Variants in PDZRN3 observed in about 807,000 individuals in gnomAD.
PDZRN3 encodes E3 ubiquitin-protein ligase PDZRN3.
PDZRN3 carries 38 observed loss-of-function variants against 85.7 expected under a neutral mutation model. The observed-to-expected ratio is 0.44, with a 90% CI of 0.34 to 0.58. The LOEUF is 0.58. Among genes scored for constraint, PDZRN3 ranks in the 20% least tolerant of loss-of-function variants. The probability of loss-of-function intolerance (pLI) is 0.01; values close to 1 mark genes in which losing one functional copy is unlikely to be tolerated. For missense variants in PDZRN3, 1,629 were observed against 1,506.4 expected (o/e 1.08, Z -1.35); for synonymous variants, 759 against 638.0 (o/e 1.19, Z -2.86).
chr3:73,428,690 G>A (rs1702368354), intron 3 of PDZRN3, among the ~76,000 whole-genome samples: 1 of 152,210 alleles, frequency 6.6e-6, no homozygotes, highest in Non-Finnish European at 1.5e-5. Context: ...ACTGAAAGAA[G>A]AGAGGTAATC....
intron 3 of PDZRN3, among the ~76,000 whole-genome samples, chr3:73,521,752 A>G (rs1704372525): frequency 1.3e-5 from 2 of 152,322 alleles, no homozygotes; most frequent in South Asian, 2.1e-4. Flanking sequence ...AAACCTCCAG[A>G]AAAACATTTG....
intron 3 of PDZRN3, among the ~76,000 whole-genome samples, chr3:73,461,738 A>C (rs1228063843): frequency 1.3e-5 from 2 of 152,218 alleles, no homozygotes; most frequent in Non-Finnish European, 1.5e-5. Flanking sequence ...TCATGTGTAC[A>C]TAAAAAAAGT....
intron 3 of PDZRN3, among the ~76,000 whole-genome samples, chr3:73,467,102 G>A (rs1292320256): frequency 6.6e-6 from 1 of 152,190 alleles, no homozygotes; most frequent in East Asian, 1.9e-4. Context: ...CCCAGCTGCA[G>A]AGATGGTGCA....
At chr3:73,507,835 T>C (rs1379618829) in intron 3 of PDZRN3, among the ~76,000 whole-genome samples, 1 of 152,156 alleles carries the variant, frequency 6.6e-6, no homozygotes, top group Non-Finnish European at 1.5e-5. Flanking sequence ...GGCTCACGCC[T>C]GTAATCCCAG....
intron 7 of PDZRN3, among the ~76,000 whole-genome samples, chr3:73,388,669 G>A (rs191346483): frequency 2.3e-4 from 35 of 152,080 alleles, no homozygotes; most frequent in African/African-American, 7.7e-4. Flanking sequence ...CTGGTGGAAC[G>A]CCGCCTCCAG....
rs182771631 is a variant in PDZRN3, at chr3:73,588,021, T to C, written c.918+14333A>G. ...TGTGCAGAACATGCAGGTTGTTTAA[T>C]AGGTATATGTGTGCCATGGTGGTTT... On this transcript the variant is annotated intron_variant, in intron 3 of 9. Transcript: ENST00000263666. Among the ~76,000 whole-genome samples, 892 of 152,336 alleles carry C rather than the reference T, an allele frequency of 5.9e-3. 2 individuals are homozygous for C. Among genetic ancestry groups the C allele is most frequent in the Middle Eastern group, 0.017 (5 of 294 alleles).
chr3:73,472,708 T>C (rs1389607072), intron 3 of PDZRN3, among the ~76,000 whole-genome samples: 1 of 152,230 alleles, frequency 6.6e-6, no homozygotes, highest in Non-Finnish European at 1.5e-5. Flanking sequence ...ACACTTTCCA[T>C]TATTAAACCT....
At chr3:73,474,474 T>C (rs1375621196) in intron 3 of PDZRN3, 19 of 1,284,762 alleles carry the variant, frequency 1.5e-5, no homozygotes, top group Admixed American at 2.3e-5. Flanking sequence ...TCTTCCACCA[T>C]GGGGTTTATG....
At chr3:73,564,054 G>C (rs934881128) in intron 3 of PDZRN3, among the ~76,000 whole-genome samples, 3 of 152,172 alleles carry the variant, frequency 2.0e-5, no homozygotes, top group Admixed American at 2.0e-4. Context: ...TAGAGGCTGT[G>C]CCTATTCTGC....
chr3:73,516,110 G>A (rs150366261), intron 3 of PDZRN3, among the ~76,000 whole-genome samples: 2,472 of 152,236 alleles, frequency 0.016, 33 homozygotes, highest in Non-Finnish European at 0.025. Context: ...CATTTATCTT[G>A]TTTCTAATTT....
chr3:73,408,301 A>C lies in PDZRN3; in HGVS notation c.919-3906T>G, dbSNP rs113211545. 929 of 687,746 alleles carry C rather than the reference A, an allele frequency of 1.4e-3. 8 individuals carry two copies. The African/African-American group carries it at 0.014, about 11-fold the overall frequency. 42.6% of individuals were successfully genotyped at this position (687,746 alleles called of 1,614,324 possible). A position where few individuals can be genotyped will look rare whatever the true frequency, so the allele number is the denominator to read the frequency against. Reference sequence around the variant, plus strand: ...AGCATCATGCTTTTTAGGGTAATATAAAGTTTAGATGAGATAACTTACTGG... The same window carrying C: ...AGCATCATGCTTTTTAGGGTAATATCAAGTTTAGATGAGATAACTTACTGG... On this transcript the variant is annotated intron_variant, in intron 3 of 9. Coordinates refer to ENST00000263666, the MANE Select transcript of PDZRN3 (RefSeq NM_015009.3).
chr3:73,592,642 C>A (rs867807063), intron 3 of PDZRN3, among the ~76,000 whole-genome samples: 2 of 152,202 alleles, frequency 1.3e-5, no homozygotes, highest in Admixed American at 6.5e-5. Flanking sequence ...CACTGTGGCA[C>A]TTGGCATGGC....
chr3:73,532,194 A>C (rs748767073), intron 3 of PDZRN3, among the ~76,000 whole-genome samples: 1 of 151,110 alleles, frequency 6.6e-6, no homozygotes, highest in Non-Finnish European at 1.5e-5. Context: ...TTTAGTAGAG[A>C]CGGGGTTTCA....
At position 73,404,206 on chromosome 3, in the gene PDZRN3, G is replaced by A; in HGVS notation, c.1108C>T (p.Leu370Phe). 6.2e-7 allele frequency: 1 copy of A among 1,614,032 alleles called. No homozygotes were observed. The highest frequency in any genetic ancestry group is 1.6e-4 in the Middle Eastern group (1 of 6,062). Residue 370 changes from leucine to phenylalanine, a missense_variant, in exon 4 of 10, where the codon CTC becomes TTC. Physicochemically the swap from Leu to Phe is conservative, Grantham distance 22. Transcript: ENST00000263666. The part of the protein sequence containing the change: ...TDITFEHIMA[L>F]TKMSSPSPPV... ...GGGCTGGGAGAGGACATCTTAGTGA[G>A]GGCCATGATATGTTCAAAGGTGATG...
intron 3 of PDZRN3, among the ~76,000 whole-genome samples, chr3:73,411,994 C>G (rs1001243850): frequency 1.3e-5 from 2 of 152,194 alleles, no homozygotes; most frequent in African/African-American, 4.8e-5. Context: ...ACGAGAGACA[C>G]AGAGGGCATC....
At chr3:73,472,929 T>C (rs1170489693) in intron 3 of PDZRN3, among the ~76,000 whole-genome samples, 1 of 152,224 alleles carries the variant, frequency 6.6e-6, no homozygotes, top group Non-Finnish European at 1.5e-5. Context: ...ATTCAAGATA[T>C]ACCATGTTGG....
chr3:73,449,751 C>T (rs972189760), intron 3 of PDZRN3, among the ~76,000 whole-genome samples: 1 of 152,278 alleles, frequency 6.6e-6, no homozygotes, highest in East Asian at 1.9e-4. Flanking sequence ...TAAGTGGCAG[C>T]CTGGACTTTT....
At position 73,608,590 on chromosome 3, in the gene PDZRN3, T is replaced by C; in HGVS notation, c.810+8A>G. ...AAAAGGAAAAACACATTTTAGTAAT[T>C]AACATACCACACTCGGCCGGCCACC... is the stretch of plus-strand genomic sequence containing the variant. On this transcript the variant is annotated splice_region_variant and intron_variant, in intron 2 of 9. Transcript: ENST00000263666. The C allele has an allele frequency of 6.3e-7, 1 of 1,586,084 alleles. No homozygotes were observed. Among genetic ancestry groups the C allele is most frequent in the South Asian group, 1.1e-5 (1 of 90,132 alleles).
chr3:73,489,868 G>A (rs1257125767), intron 3 of PDZRN3, among the ~76,000 whole-genome samples: 2 of 151,914 alleles, frequency 1.3e-5, no homozygotes, highest in African/African-American at 2.4e-5. Context: ...CACCACGCCC[G>A]GCCGGTAGTT....
Sources: allele counts gnomAD v4.1 joint callset (sites outside exome capture counted in the v4.1 genomes callset), GRCh38; gene constraint gnomAD v4.1.1; transcripts MANE v1.5; gene names NCBI Gene and HGNC (gene_info 2026-07-23, HGNC 2026-07-21).